KCNQ3: variants seen among roughly 807,000 people sequenced by gnomAD.
KCNQ3 encodes potassium voltage-gated channel subfamily Q member 3.
A neutral mutation model predicts 92.5 loss-of-function variants in KCNQ3; 30 were observed. That is an observed-to-expected ratio of 0.32 (90% CI 0.24 to 0.44). The LOEUF is 0.44. Ranked by LOEUF, KCNQ3 falls within the 20% of genes least tolerant of loss-of-function variation. The pLI, the probability that KCNQ3 is intolerant of heterozygous loss-of-function variation, is 1.00. For synonymous variants in KCNQ3, 450 were observed against 468.8 expected, an observed-to-expected ratio of 0.96 and a Z score of 0.52; for missense variants, 913 against 1,140.3, an observed-to-expected ratio of 0.80 and a Z score of 2.87.
chr8:132,450,470 G>C (rs1362045982), intron 1 of KCNQ3, among the ~76,000 whole-genome samples: 1 of 152,072 alleles, frequency 6.6e-6, no homozygotes, highest in South Asian at 2.1e-4. Flanking sequence ...GTCCCCACTC[G>C]ACCCAGGAAG....
chr8:132,216,421 G>T (rs1404218257), intron 1 of KCNQ3, among the ~76,000 whole-genome samples: 1 of 152,208 alleles, frequency 6.6e-6, no homozygotes, highest in Non-Finnish European at 1.5e-5. Flanking sequence ...GGAGTCACCT[G>T]CAGGGTTTCA....
rs982894685 is a variant in KCNQ3 at position 132,125,164 on chromosome 8, C to T, written c.*4098G>A. ...CTTCCTCAGATTCCCTAGAATCCCC[C>T]CTTTTTGCACAGCTTCTCTGGAGCT... On this transcript the variant is annotated 3_prime_UTR_variant, in exon 15 of 15. Coordinates refer to ENST00000388996, the MANE Select transcript of KCNQ3 (RefSeq NM_004519.4). 2 of 152,142 alleles carry T rather than the reference C, an allele frequency of 1.3e-5. No individual in the cohort carries two copies. Among genetic ancestry groups the T allele is most frequent in the African/African-American group, 4.8e-5 (2 of 41,426 alleles). The allele number at this position is 152,142 out of a possible 1,614,324, so 9.4% of individuals were successfully genotyped here.
chr8:132,253,829 C>A (rs1236601860), intron 1 of KCNQ3, among the ~76,000 whole-genome samples: 3 of 152,234 alleles, frequency 2.0e-5, no homozygotes, highest in Non-Finnish European at 2.9e-5. Flanking sequence ...TCCATCTATT[C>A]CTGGCCCTGG....
intron 12 of KCNQ3, 145 bp downstream of exon 12, chr8:132,137,740 T>G (rs565246483): frequency 1.1e-5 from 11 of 1,016,804 alleles, no homozygotes; most frequent in Non-Finnish European, 1.5e-6. Context: ...TTTGTTGGCC[T>G]AGACATCCAC....
intron 1 of KCNQ3, among the ~76,000 whole-genome samples, chr8:132,210,015 G>C (rs1396397657): frequency 6.6e-6 from 1 of 152,160 alleles, no homozygotes; most frequent in Admixed American, 6.5e-5. Flanking sequence ...TATTCTTCCA[G>C]GATGTAATGA....
At chr8:132,354,703 G>A (rs73710552) in intron 1 of KCNQ3, among the ~76,000 whole-genome samples, 2,807 of 152,298 alleles carry the variant, frequency 0.018, 75 homozygotes, top group African/African-American at 0.059. Flanking sequence ...CCTACCTTCC[G>A]TGAGATGACA....
Position 132,127,582 on chromosome 8 carries a change from G to C in KCNQ3, c.*1680C>G, listed in dbSNP as rs1277544940. On this transcript the variant is annotated 3_prime_UTR_variant, in exon 15 of 15. Coordinates refer to ENST00000388996, the MANE Select transcript of KCNQ3 (RefSeq NM_004519.4). ...TGGCTCTTGACAAGACTGTGAGGGA[G>C]AATAGCAGTGTCAGCTGCATACAGA... 1 of 152,222 alleles carries C rather than the reference G, an allele frequency of 6.6e-6. No individual in the cohort carries two copies. Among genetic ancestry groups the C allele is most frequent in the South Asian group, 2.1e-4 (1 of 4,820 alleles). The allele number at this position is 152,222 out of a possible 1,614,324, so 9.4% of individuals were successfully genotyped here.
At chr8:132,177,640 G>A (rs1826609478) in intron 4 of KCNQ3, among the ~76,000 whole-genome samples, 1 of 152,134 alleles carries the variant, frequency 6.6e-6, no homozygotes, top group South Asian at 2.1e-4. Context: ...ATTTATTTTG[G>A]GAGGAGAACC....
intron 1 of KCNQ3, among the ~76,000 whole-genome samples, chr8:132,373,799 G>T (rs914782296): frequency 3.9e-5 from 6 of 152,174 alleles, no homozygotes; most frequent in African/African-American, 1.4e-4. Flanking sequence ...CTGCCCTGAA[G>T]ATGAGTCCTC....
intron 9 of KCNQ3, among the ~76,000 whole-genome samples, chr8:132,151,982 G>C (rs753415705): frequency 6.6e-6 from 1 of 152,120 alleles, no homozygotes; most frequent in Non-Finnish European, 1.5e-5. Context: ...CATAATTAAG[G>C]TTATGTTAAG....
chr8:132,356,396 T>C (rs1819018534), intron 1 of KCNQ3, among the ~76,000 whole-genome samples: 1 of 152,176 alleles, frequency 6.6e-6, no homozygotes, highest in African/African-American at 2.4e-5. Context: ...GCAGGAATGA[T>C]GTTTTTAAGA....
intron 1 of KCNQ3, among the ~76,000 whole-genome samples, chr8:132,414,924 T>C (rs1025976292): frequency 6.6e-6 from 1 of 152,184 alleles, no homozygotes; most frequent in African/African-American, 2.4e-5. Context: ...GAAGTAGGGA[T>C]GGAAAGTGGG....
intron 1 of KCNQ3, among the ~76,000 whole-genome samples, chr8:132,433,464 C>T (rs1016851804): frequency 1.3e-5 from 2 of 152,204 alleles, no homozygotes; most frequent in Admixed American, 6.5e-5. Context: ...TTCTGAAAAT[C>T]GCCATGGAGA....
intron 1 of KCNQ3, among the ~76,000 whole-genome samples, chr8:132,338,008 G>C (rs60739242): frequency 0.015 from 2,259 of 152,250 alleles, 52 homozygotes; most frequent in African/African-American, 0.05. Flanking sequence ...CATAGGGATG[G>C]GCTGGGTAAG....
intron 1 of KCNQ3, among the ~76,000 whole-genome samples, chr8:132,412,249 T>A (rs1234418558): frequency 6.6e-6 from 1 of 152,142 alleles, no homozygotes. Flanking sequence ...TGATTAAAAA[T>A]GCAAACTTTG....
chr8:132,326,878 C>T (rs891055124), intron 1 of KCNQ3, among the ~76,000 whole-genome samples: 2 of 152,248 alleles, frequency 1.3e-5, no homozygotes, highest in African/African-American at 4.8e-5. Flanking sequence ...TTCATTTACT[C>T]ATTTGCCTTA....
chr8:132,433,306 A>G (rs1335592556), intron 1 of KCNQ3, among the ~76,000 whole-genome samples: 1 of 152,216 alleles, frequency 6.6e-6, no homozygotes, highest in Non-Finnish European at 1.5e-5. Flanking sequence ...TTCATGAAAA[A>G]CAACCCCTGA....
intron 1 of KCNQ3, among the ~76,000 whole-genome samples, chr8:132,298,535 C>G (rs1476825184): frequency 6.6e-6 from 1 of 151,980 alleles, no homozygotes; most frequent in Non-Finnish European, 1.5e-5. Context: ...TGCCTGGTGT[C>G]TAGAATTTAA....
intron 1 of KCNQ3, among the ~76,000 whole-genome samples, chr8:132,276,145 C>T (rs565700874): frequency 3.9e-5 from 6 of 152,230 alleles, no homozygotes; most frequent in South Asian, 2.1e-4. Context: ...GGAGCCAAAT[C>T]GTACAAGAAC....
Sources: gnomAD v4.1 joint callset for allele counts (sites outside exome capture counted in the v4.1 genomes callset) on GRCh38, gnomAD v4.1.1 for gene constraint, MANE v1.5 for transcripts, NCBI Gene and HGNC (gene_info 2026-07-23, HGNC 2026-07-21) for gene names.